PLEKHG1: variants seen among roughly 807,000 people sequenced by gnomAD.
PLEKHG1 encodes pleckstrin homology and RhoGEF domain containing G1.
In PLEKHG1, 44 loss-of-function variants were observed where a neutral mutation model predicts 100.8. That is an observed-to-expected ratio of 0.44 (90% CI 0.34 to 0.56). The LOEUF (loss-of-function observed/expected upper bound fraction) is 0.56. PLEKHG1 is among the 20% of genes least tolerant of loss of function. The pLI is 0.01. For synonymous variants in PLEKHG1, 640 were observed against 662.5 expected (o/e 0.97, Z 0.52); for missense variants, 1,545 against 1,720.9 (o/e 0.90, Z 1.81).
chr6:150,640,145 C>T (rs560574595), intron 2 of PLEKHG1, among the ~76,000 whole-genome samples: 23 of 152,348 alleles, frequency 1.5e-4, no homozygotes, highest in Admixed American at 3.3e-4. Flanking sequence ...CCCAGGCCGG[C>T]GTCCCGCCAG....
intron 14 of PLEKHG1, chr6:150,827,865 G>A (rs1776702884): frequency 6.9e-7 from 1 of 1,456,676 alleles, no homozygotes; most frequent in African/African-American, 1.4e-5. Flanking sequence ...TGAGGAGGAT[G>A]AATGTGCTAT....
chr6:150,679,003 G>T (rs972958933), intron 3 of PLEKHG1, among the ~76,000 whole-genome samples: 2 of 152,076 alleles, frequency 1.3e-5, no homozygotes, highest in Non-Finnish European at 2.9e-5. Flanking sequence ...GAGAAAATAA[G>T]TAATAAATCT....
intron 13 of PLEKHG1, among the ~76,000 whole-genome samples, chr6:150,821,619 G>T (rs943944709): frequency 6.6e-6 from 1 of 151,968 alleles, no homozygotes; most frequent in Non-Finnish European, 1.5e-5. Flanking sequence ...GGGAAGCAGA[G>T]GTTGCAGTGA....
chr6:150,744,614 C>A (rs1404497304), intron 2 of PLEKHG1, among the ~76,000 whole-genome samples: 1 of 152,134 alleles, frequency 6.6e-6, no homozygotes, highest in Non-Finnish European at 1.5e-5. Flanking sequence ...ACATTGTTAA[C>A]CTTTACTTGT....
intron 3 of PLEKHG1, among the ~76,000 whole-genome samples, chr6:150,676,636 G>T (rs1389970694): frequency 6.6e-6 from 1 of 152,166 alleles, no homozygotes; most frequent in East Asian, 1.9e-4. Flanking sequence ...TGTGAGAAAT[G>T]GAGATGAAGG....
At chr6:150,617,999 C>T (rs542113664) in intron 1 of PLEKHG1, among the ~76,000 whole-genome samples, 1 of 152,276 alleles carries the variant, frequency 6.6e-6, no homozygotes, top group Non-Finnish European at 1.5e-5. Context: ...TGTATGCACA[C>T]ATGAGCCATT....
At chr6:150,786,421 A>G in exon 4 of PLEKHG1, 1 of 1,613,446 alleles carries the variant, frequency 6.2e-7, no homozygotes, top group Non-Finnish European at 8.5e-7. Context: ...AAACTGTGAA[A>G]ATGATCCTGT....
chr6:150,700,181 G>A (rs1364377572), intron 3 of PLEKHG1, among the ~76,000 whole-genome samples: 2 of 152,188 alleles, frequency 1.3e-5, no homozygotes, highest in Non-Finnish European at 2.9e-5. Context: ...ACCCTGCCAG[G>A]CTGACCAGCC....
rs1781125308 is a variant in PLEKHG1 at position 150,708,765 on chromosome 6, CTA to C, written c.-98-24817_-98-24816del. 2.0e-5 allele frequency among the ~76,000 whole-genome samples: 3 copies of C among 152,200 alleles called. No homozygotes were observed. In the South Asian group the frequency reaches 6.2e-4, roughly 31 times the overall value. On this transcript the variant is annotated intron_variant, in intron 3 of 3. Transcript: ENST00000367326. ...AGTTAGCTCAGCTGCTGTGCTACTG[CTA>C]TGTCAGGGATATCTTATGGCAGGTG...
At position 150,734,006 on chromosome 6, in the gene PLEKHG1, C is replaced by T. The variant is rs773586435; in HGVS notation, c.325C>T (p.Pro109Ser). 6.8e-5 allele frequency: 110 copies of T among 1,614,018 alleles called. 1 individual carries two copies. In the South Asian group the frequency reaches 9.9e-4, roughly 14 times the overall value. ...GACGATCGCAGACTCGGCCACGAGC[C>T]CCAAGCTCCTCTATGTGGATAGAGT... The change falls in exon 2 of 16, where the codon CCC (proline) becomes TCC (serine). Residue 109 changes from proline (P) to serine (S), a missense_variant. By Grantham distance (74) the Pro-to-Ser change is moderately conservative. Coordinates refer to ENST00000358517, the Ensembl canonical transcript of PLEKHG1.
intron 3 of PLEKHG1, among the ~76,000 whole-genome samples, chr6:150,670,821 C>T (rs1366721390): frequency 1.3e-5 from 2 of 151,800 alleles, no homozygotes. Flanking sequence ...TTAGTGGTAC[C>T]CATCACCCAT....
upstream of PLEKHG1, among the ~76,000 whole-genome samples, chr6:150,718,468 A>ATTTTTTTTT (rs1781523545): frequency 7.8e-6 from 1 of 128,386 alleles, no homozygotes; most frequent in African/African-American, 2.8e-5. Flanking sequence ...TCTTCCCTTT[A>ATTTTTTTTT]CTTTTTTTTT....
chr6:150,605,193 G>T (rs547647377), intron 1 of PLEKHG1, among the ~76,000 whole-genome samples: 16 of 152,180 alleles, frequency 1.1e-4, no homozygotes, highest in Non-Finnish European at 2.4e-4. Context: ...AAAAGTGGGG[G>T]AACAGTTGTA....
intron 13 of PLEKHG1, among the ~76,000 whole-genome samples, chr6:150,821,818 C>T (rs956290579): frequency 1.4e-5 from 2 of 145,926 alleles, no homozygotes; most frequent in African/African-American, 5.0e-5. Flanking sequence ...AAAGAAAAGA[C>T]AGAGGACTCT....
At chr6:150,618,521 G>A (rs1190253418) in intron 1 of PLEKHG1, among the ~76,000 whole-genome samples, 1 of 152,206 alleles carries the variant, frequency 6.6e-6, no homozygotes, top group African/African-American at 2.4e-5. Flanking sequence ...GGGAAGAGAT[G>A]TGCAGTATTG....
chr6:150,792,213 C>T (rs1229847480), intron 4 of PLEKHG1, among the ~76,000 whole-genome samples: 8 of 151,876 alleles, frequency 5.3e-5, no homozygotes, highest in Admixed American at 1.3e-4. Context: ...AAAAATTAGC[C>T]GGGCGTGGTG....
intron 1 of PLEKHG1, among the ~76,000 whole-genome samples, chr6:150,605,188 T>TG (rs1414734407): frequency 1.3e-5 from 2 of 152,154 alleles, no homozygotes; most frequent in African/African-American, 2.4e-5. Context: ...CTTTCAAAAG[T>TG]GGGGGAACAG....
chr6:150,687,565 T>A (rs919571889), intron 3 of PLEKHG1, among the ~76,000 whole-genome samples: 2 of 152,232 alleles, frequency 1.3e-5, no homozygotes, highest in South Asian at 4.1e-4. Context: ...TGGAAATACC[T>A]GACCTCGTTC....
intron 3 of PLEKHG1, among the ~76,000 whole-genome samples, chr6:150,694,921 TC>T (rs1178400742): frequency 1.3e-5 from 2 of 152,100 alleles, no homozygotes; most frequent in Non-Finnish European, 2.9e-5. Flanking sequence ...TTTTTATACA[TC>T]TAAAGTTTTA....
Sources: allele counts gnomAD v4.1 joint callset (sites outside exome capture counted in the v4.1 genomes callset), GRCh38; gene constraint gnomAD v4.1.1; transcripts MANE v1.5; gene names NCBI Gene and HGNC (gene_info 2026-07-23, HGNC 2026-07-21).